Variants in CSMD3 observed in about 807,000 individuals in gnomAD.
CSMD3 encodes the protein CUB and Sushi multiple domains 3, also known as CUB and sushi domain-containing protein 3.
A neutral mutation model predicts 435.2 loss-of-function variants in CSMD3; 177 were observed. That is an observed-to-expected ratio of 0.41 (90% CI 0.36 to 0.46). The LOEUF (loss-of-function observed/expected upper bound fraction) is 0.46. Among genes scored for constraint, CSMD3 ranks in the 20% least tolerant of loss-of-function variants. The pLI is 0.34. For synonymous variants in CSMD3, 1,656 were observed against 1,520.5 expected (o/e 1.09, Z -2.07); for missense variants, 4,265 against 4,504.6 (o/e 0.95, Z 1.52).
At chr8:112,242,990 T>C (rs543038139) in intron 65 of CSMD3, among the ~76,000 whole-genome samples, 8 of 152,160 alleles carry the variant, frequency 5.3e-5, no homozygotes, top group African/African-American at 1.9e-4. Context: ...AAATGGAGAA[T>C]GGATACTTAG....
At chr8:112,631,076 A>G (rs1414411368) in intron 22 of CSMD3, among the ~76,000 whole-genome samples, 1 of 151,976 alleles carries the variant, frequency 6.6e-6, no homozygotes, top group East Asian at 1.9e-4. Flanking sequence ...AGGATGAAAA[A>G]TTAGAGAATA....
At chr8:113,343,251 G>GA (rs568670048) in intron 1 of CSMD3, among the ~76,000 whole-genome samples, 49 of 152,028 alleles carry the variant, frequency 3.2e-4, no homozygotes, top group African/African-American at 1.1e-3. Flanking sequence ...ATGATTCAAA[G>GA]AAAAAAATAT....
intron 4 of CSMD3, among the ~76,000 whole-genome samples, chr8:113,139,272 A>G (rs961790846): frequency 2.7e-5 from 4 of 150,460 alleles, no homozygotes; most frequent in Non-Finnish European, 6.0e-5. Context: ...AAGCAAAAAT[A>G]TTAATAAATA....
intron 59 of CSMD3, among the ~76,000 whole-genome samples, chr8:112,269,276 T>G (rs1168385778): frequency 1.3e-5 from 2 of 152,176 alleles, no homozygotes; most frequent in African/African-American, 4.8e-5. Flanking sequence ...TTTTCAGATT[T>G]GTGACAAAAA....
At chr8:112,699,680 G>T (rs1186942238) in intron 13 of CSMD3, among the ~76,000 whole-genome samples, 1 of 151,316 alleles carries the variant, frequency 6.6e-6, no homozygotes, top group African/African-American at 2.5e-5. Flanking sequence ...TATTGACGTT[G>T]TTTGCCTCCT....
intron 32 of CSMD3, among the ~76,000 whole-genome samples, chr8:112,461,610 C>G (rs190546208): frequency 6.6e-6 from 1 of 151,904 alleles, no homozygotes. Flanking sequence ...AATTTTCTAG[C>G]ATTTGTAATG....
intron 2 of CSMD3, among the ~76,000 whole-genome samples, chr8:113,301,614 C>CTA (rs1028201228): frequency 6.6e-6 from 1 of 151,482 alleles, no homozygotes; most frequent in African/African-American, 2.4e-5. Flanking sequence ...ATCTGTCCTG[C>CTA]TATATATATG....
chr8:112,785,770 G>A (rs148517683), intron 13 of CSMD3, among the ~76,000 whole-genome samples: 13 of 151,804 alleles, frequency 8.6e-5, no homozygotes, highest in South Asian at 4.1e-4. Flanking sequence ...AAACATTTAC[G>A]CAAGACATTT....
chr8:112,339,264 T>C (rs767905438), intron 42 of CSMD3, among the ~76,000 whole-genome samples: 4 of 151,790 alleles, frequency 2.6e-5, no homozygotes, highest in Non-Finnish European at 4.4e-5. Context: ...TGGTTGCTTT[T>C]TGCAACCAAT....
intron 2 of CSMD3, among the ~76,000 whole-genome samples, chr8:113,298,331 A>T (rs1163826657): frequency 6.6e-6 from 1 of 152,050 alleles, no homozygotes; most frequent in Admixed American, 6.6e-5. Context: ...TTTTTTTCTA[A>T]AATAACAAGA....
At chr8:113,208,475 C>T (rs1329911578) in intron 3 of CSMD3, among the ~76,000 whole-genome samples, 1 of 152,072 alleles carries the variant, frequency 6.6e-6, no homozygotes, top group African/African-American at 2.4e-5. Context: ...CTATCTGGTA[C>T]ATAATAACCA....
rs1824469799 is a variant in CSMD3 at position 112,523,094 on chromosome 8, A to C, written c.4565-5869T>G. On this transcript the variant is annotated intron_variant, in intron 27 of 70. Transcript: ENST00000297405. ...GTTCTTATGTGTCCTTTATGTTCAG[A>C]AAATCGACTTTTTGGTATAAACTTG... Among the ~76,000 whole-genome samples, 3 of 151,938 alleles carry C rather than the reference A, an allele frequency of 2.0e-5. No homozygotes were observed. The South Asian group carries it at 6.2e-4, about 31-fold the overall frequency.
intron 61 of CSMD3, among the ~76,000 whole-genome samples, chr8:112,261,765 C>A (rs1816424097): frequency 6.6e-6 from 1 of 152,022 alleles, no homozygotes; most frequent in Admixed American, 6.6e-5. Context: ...TCAATTTACC[C>A]ACCCATCATG....
chr8:112,416,049 T>C (rs1221100428), intron 32 of CSMD3, among the ~76,000 whole-genome samples: 1 of 152,156 alleles, frequency 6.6e-6, no homozygotes, highest in African/African-American at 2.4e-5. Context: ...TGGAGAACTG[T>C]TGGAAAGGTA....
At chr8:112,650,390 G>A (rs2131634035) in intron 18 of CSMD3, 41 bp from the exon 19 acceptor site, 1 of 1,511,626 alleles carries the variant, frequency 6.6e-7, no homozygotes, top group Non-Finnish European at 9.2e-7. Flanking sequence ...AAGCTTGGTG[G>A]GATTTGGAGT....
chr8:113,084,315 C>T (rs1327731032), intron 5 of CSMD3, among the ~76,000 whole-genome samples: 4 of 151,812 alleles, frequency 2.6e-5, no homozygotes, highest in Admixed American at 6.6e-5. Context: ...TAATAGCAAA[C>T]TAGTTAAAAA....
intron 5 of CSMD3, among the ~76,000 whole-genome samples, chr8:113,032,868 G>A (rs991614697): frequency 2.6e-5 from 4 of 151,462 alleles, no homozygotes; most frequent in Admixed American, 1.3e-4. Context: ...CCATTGGTCT[G>A]TGCAGCTTCA....
intron 5 of CSMD3, among the ~76,000 whole-genome samples, chr8:113,021,614 C>T (rs780238945): frequency 7.2e-5 from 11 of 151,740 alleles, no homozygotes; most frequent in Non-Finnish European, 1.3e-4. Flanking sequence ...TTAAGAAATG[C>T]GAGAAAAGAA....
At chr8:112,414,015 T>A (rs1348359291) in intron 32 of CSMD3, among the ~76,000 whole-genome samples, 1 of 152,150 alleles carries the variant, frequency 6.6e-6, no homozygotes, top group East Asian at 1.9e-4. Flanking sequence ...TAGGGTGGTT[T>A]GGCCAGAATC....
Sources: allele counts gnomAD v4.1 joint callset (sites outside exome capture counted in the v4.1 genomes callset), GRCh38; gene constraint gnomAD v4.1.1; transcripts MANE v1.5; gene names NCBI Gene and HGNC (gene_info 2026-07-23, HGNC 2026-07-21).